DYTN: variants seen among roughly 807,000 people sequenced by gnomAD.
DYTN encodes the protein dystrotelin.
Under a neutral mutation model 69.6 loss-of-function variants are expected in DYTN, and 75 were observed. The observed-to-expected ratio is 1.08, with a 90% CI of 0.89 to 1.31. DYTN has a LOEUF of 1.31. Ranked by LOEUF, DYTN falls within the 50% of genes most tolerant of loss-of-function variation. DYTN has a pLI of 0.00. For missense variants in DYTN, 726 were observed against 688.4 expected (o/e 1.05, Z -0.61); for synonymous variants, 252 against 249.1 (o/e 1.01, Z -0.11).
chr2:206,710,728 T>A, intron 1 of DYTN, 130 bp from the exon 2 acceptor site: 1 of 637,268 alleles, frequency 1.6e-6, no homozygotes, highest in Non-Finnish European at 2.5e-6. Context: ...GGTTTAGAGC[T>A]CTTTTTTTTT....
intron 9 of DYTN, among the ~76,000 whole-genome samples, chr2:206,688,886 T>C (rs1699837923): frequency 6.6e-6 from 1 of 152,162 alleles, no homozygotes; most frequent in South Asian, 2.1e-4. Flanking sequence ...TTGAATGAGA[T>C]TCTTACAAAA....
At chr2:206,658,599 A>G (rs1699473963) in intron 11 of DYTN, among the ~76,000 whole-genome samples, 1 of 152,130 alleles carries the variant, frequency 6.6e-6, no homozygotes, top group Non-Finnish European at 1.5e-5. Flanking sequence ...GTAATTTGAG[A>G]CAGGTTAGAC....
At position 206,654,490 on chromosome 2, in the gene DYTN, A is replaced by G. The variant is rs556214102; in HGVS notation, c.1634-2569T>C. ...TGTAAGAATGCAATATATGATACAA[A>G]TAACATACAAAATATTTGTCGATCA... On this transcript the variant is annotated intron_variant, in intron 11 of 11. Coordinates refer to ENST00000452335, the MANE Select transcript of DYTN (RefSeq NM_001093730.1). Among the ~76,000 whole-genome samples, 316 of 152,322 alleles carry G rather than the reference A, an allele frequency of 2.1e-3. 3 individuals carry two copies. The highest frequency in any genetic ancestry group is 7.1e-3 in the African/African-American group (297 of 41,576).
chr2:206,712,205 C>T (rs553727048), intron 1 of DYTN, among the ~76,000 whole-genome samples: 1 of 152,240 alleles, frequency 6.6e-6, no homozygotes, highest in South Asian at 2.1e-4. Context: ...AAGTCGCCAA[C>T]GTCGGAATCT....
At chr2:206,654,893 T>G (rs56330731) in intron 11 of DYTN, among the ~76,000 whole-genome samples, 73 of 152,332 alleles carry the variant, frequency 4.8e-4, no homozygotes, top group Admixed American at 1.2e-3. Flanking sequence ...CATGCTCTCG[T>G]ACATATAAGA....
rs140105105 is a variant in DYTN at position 206,711,987 on chromosome 2, G to C, written c.20-1389C>G. On this transcript the variant is annotated intron_variant, in intron 1 of 11. Coordinates refer to ENST00000452335, the MANE Select transcript of DYTN (RefSeq NM_001093730.1). The stretch of plus-strand genomic sequence containing the variant: ...ACTATAGAGTAGATCTCCCCATTTA[G>C]TCATATTATCTTTAATGTTATTCAA... 6.7e-5 allele frequency among the ~76,000 whole-genome samples: 10 copies of C among 149,924 alleles called. 1 individual carries two copies. The East Asian group carries it at 2.0e-3, about 30-fold the overall frequency.
At chr2:206,704,712 C>T (rs1182755520) in intron 5 of DYTN, 131 bp downstream of exon 5, 2 of 726,350 alleles carry the variant, frequency 2.8e-6, no homozygotes, top group Non-Finnish European at 4.6e-6. Context: ...ACAGCAATGG[C>T]TATGGAGGAG....
chr2:206,671,066 T>TACATCACAGA (rs1480940282), intron 9 of DYTN, among the ~76,000 whole-genome samples: 1 of 152,152 alleles, frequency 6.6e-6, no homozygotes, highest in Non-Finnish European at 1.5e-5. Flanking sequence ...CACCAAACCT[T>TACATCACAGA]GTCTCTTACA....
intron 9 of DYTN, among the ~76,000 whole-genome samples, chr2:206,681,216 T>C (rs886517615): frequency 6.6e-6 from 1 of 152,196 alleles, no homozygotes; most frequent in Non-Finnish European, 1.5e-5. Flanking sequence ...TTTTTGCACA[T>C]TGATTTTGCA....
At chr2:206,659,028 C>A (rs1699478141) in intron 11 of DYTN, among the ~76,000 whole-genome samples, 1 of 149,170 alleles carries the variant, frequency 6.7e-6, no homozygotes. Context: ...GAACAGCTGA[C>A]ACTTTTCCAA....
chr2:206,667,203 A>C (rs1377221614), intron 9 of DYTN, among the ~76,000 whole-genome samples: 1 of 152,166 alleles, frequency 6.6e-6, no homozygotes. Flanking sequence ...CAAAGACGGC[A>C]CAGACCCCCC....
intron 9 of DYTN, 70 bp from the exon 10 acceptor site, chr2:206,666,099 G>C: frequency 1.3e-6 from 2 of 1,534,076 alleles, no homozygotes; most frequent in South Asian, 2.5e-5. Flanking sequence ...GCCCTGGTAA[G>C]ATGTATTCCG....
intron 9 of DYTN, among the ~76,000 whole-genome samples, chr2:206,666,770 T>TGTGTG: frequency 1.4e-5 from 2 of 141,060 alleles, no homozygotes; most frequent in African/African-American, 5.2e-5. Context: ...TGTGTGTGTG[T>TGTGTG]TATCTTAGTG....
intron 7 of DYTN, among the ~76,000 whole-genome samples, chr2:206,695,355 G>C (rs1699909168): frequency 6.6e-6 from 1 of 152,180 alleles, no homozygotes; most frequent in Non-Finnish European, 1.5e-5. Flanking sequence ...GTATTCCTGA[G>C]TGGTGTTGGG....
chr2:206,671,434 C>T (rs1004729163), intron 9 of DYTN, among the ~76,000 whole-genome samples: 16 of 152,224 alleles, frequency 1.1e-4, no homozygotes, highest in African/African-American at 3.9e-4. Flanking sequence ...GCCACTGCCT[C>T]TTCATTCAAA....
chr2:206,710,453 T>C, intron 2 of DYTN, 71 bp downstream of exon 2: 1 of 1,446,166 alleles, frequency 6.9e-7, no homozygotes, highest in Non-Finnish European at 9.5e-7. Context: ...GAGTGTTTGT[T>C]TTCTCTATGA....
intron 1 of DYTN, 58 bp downstream of exon 1, chr2:206,718,203 T>C (rs778743807): frequency 1.5e-5 from 23 of 1,545,902 alleles, no homozygotes; most frequent in East Asian, 4.6e-5. Flanking sequence ...AAATATAACA[T>C]CTGTGCCTAA....
chr2:206,664,675 C>T (rs559008794), intron 10 of DYTN, among the ~76,000 whole-genome samples: 1 of 152,212 alleles, frequency 6.6e-6, no homozygotes, highest in Admixed American at 6.5e-5. Context: ...TGTATATTTA[C>T]ATACATAAAA....
intron 3 of DYTN, among the ~76,000 whole-genome samples, chr2:206,706,512 A>G (rs1346519216): frequency 2.6e-5 from 4 of 151,632 alleles, no homozygotes; most frequent in African/African-American, 9.7e-5. Context: ...AAAAAAAACT[A>G]GAAGAGAAAA....
Sources: allele counts gnomAD v4.1 joint callset (sites outside exome capture counted in the v4.1 genomes callset), GRCh38; gene constraint gnomAD v4.1.1; transcripts MANE v1.5; gene names NCBI Gene and HGNC (gene_info 2026-07-23, HGNC 2026-07-21).